Variants in ANKMY1 observed in about 807,000 individuals in gnomAD.
The protein encoded by ANKMY1 is ankyrin repeat and MYND domain containing 1.
A neutral mutation model predicts 102.0 loss-of-function variants in ANKMY1; 98 were observed. The ratio of observed to expected loss-of-function variants is 0.96; its 90% CI spans 0.82 to 1.14. The LOEUF is 1.14. Ranked by LOEUF, ANKMY1 falls within the 50% of genes most tolerant of loss-of-function variation. The pLI is 0.00. For missense variants in ANKMY1, 1,330 were observed against 1,347.6 expected (o/e 0.99, Z 0.20); for synonymous variants, 582 against 559.9 (o/e 1.04, Z -0.56).
In ANKMY1 at chr2:240,520,528, C is replaced by T. The variant is rs780456372; in HGVS notation, c.1838G>A (p.Arg613Lys). The T allele has an allele frequency of 1.8e-5, 29 of 1,611,256 alleles. No individual in the cohort carries two copies. The highest frequency in any genetic ancestry group is 1.2e-5 in the Non-Finnish European group (14 of 1,178,800). ...RRMALSMIER[R>K]KRWRTIKLLL... is the part of the protein sequence containing the mutation. ...CAGCTTGATGGTCCGCCAGCGCTTC[C>T]TCCGCCTGAAAAAGACGGTGCGCCC... The change falls in exon 9 of 18, where the codon AGG becomes AAG. Residue 613 changes from arginine to lysine, a missense_variant. Transcript: ENST00000401804. This position sits in a 1 kb window ranked among gnomAD's most constrained non-coding sequence, Gnocchi z 4.8.
intron 1 of ANKMY1, among the ~76,000 whole-genome samples, chr2:240,557,643 C>T (rs1186637272): frequency 6.6e-6 from 1 of 152,228 alleles, no homozygotes; most frequent in Non-Finnish European, 1.5e-5. Context: ...AGGCCAGGCC[C>T]GCACCCACTA....
At chr2:240,505,318 C>A (rs1223690046) in intron 13 of ANKMY1, among the ~76,000 whole-genome samples, 2 of 151,792 alleles carry the variant, frequency 1.3e-5, no homozygotes, top group African/African-American at 2.4e-5. Context: ...AAAAATCAGC[C>A]GGGTGTGGTG....
rs1166689369 is a variant in ANKMY1 at position 240,524,387 on chromosome 2, G to C, written c.1336-6C>G. 1 of 1,579,910 alleles carries C rather than the reference G, an allele frequency of 6.3e-7. No individual in the cohort carries two copies. The highest frequency in any genetic ancestry group is 2.2e-5 in the East Asian group (1 of 44,486). ...ACTGGGAATTTTGGAGGTTCCTTTG[G>C]AAAGAACCAAAAAAGTGTCATTAGA... On this transcript the variant is annotated splice_polypyrimidine_tract_variant and splice_region_variant and intron_variant, in intron 7 of 17. Transcript: ENST00000401804.
intron 1 of ANKMY1, 114 bp downstream of exon 1, chr2:240,557,759 AGCCCCTCG>A: frequency 1.3e-5 from 7 of 542,156 alleles, no homozygotes; most frequent in Non-Finnish European, 1.6e-5. Flanking sequence ...CCACGCCCCC[AGCCCCTCG>A]GCCCCTCCCT....
At chr2:240,519,372 A>G (rs2081734348) in intron 9 of ANKMY1, among the ~76,000 whole-genome samples, 1 of 152,248 alleles carries the variant, frequency 6.6e-6, no homozygotes, top group Non-Finnish European at 1.5e-5. Flanking sequence ...GGGATGAAAT[A>G]CAACAGATAA....
chr2:240,497,863 A>G (rs2077469064), intron 15 of ANKMY1, among the ~76,000 whole-genome samples: 1 of 152,206 alleles, frequency 6.6e-6, no homozygotes, highest in Admixed American at 6.5e-5. Flanking sequence ...ACTTCTCCGT[A>G]AGTGACACCT....
intron 15 of ANKMY1, among the ~76,000 whole-genome samples, chr2:240,492,112 C>G (rs1003897267): frequency 1.2e-4 from 18 of 152,096 alleles, no homozygotes; most frequent in African/African-American, 4.3e-4. Flanking sequence ...CTGGGCCCAG[C>G]CTCCCAAGCA....
At chr2:240,476,133 A>C (rs1487442417), downstream of ANKMY1, among the ~76,000 whole-genome samples, 3 of 152,278 alleles carry the variant, frequency 2.0e-5, no homozygotes, top group Non-Finnish European at 2.9e-5. Flanking sequence ...AAACAATATG[A>C]TACAGTCATA....
At chr2:240,491,598 T>A (rs1449747649) in intron 15 of ANKMY1, among the ~76,000 whole-genome samples, 1 of 152,208 alleles carries the variant, frequency 6.6e-6, no homozygotes, top group East Asian at 1.9e-4. Context: ...GTAGAACTGG[T>A]CTAGTAGTAA....
At chr2:240,512,247 G>A (rs748563200) in intron 10 of ANKMY1, among the ~76,000 whole-genome samples, 39 of 152,242 alleles carry the variant, frequency 2.6e-4, no homozygotes, top group Non-Finnish European at 4.8e-4. Flanking sequence ...CACGCAGTGG[G>A]TGAGCTGCGC....
At chr2:240,530,427 G>A (rs910827536) in intron 4 of ANKMY1, among the ~76,000 whole-genome samples, 2 of 152,084 alleles carry the variant, frequency 1.3e-5, no homozygotes, top group African/African-American at 2.4e-5. Context: ...GCATTCTCAC[G>A]AGATCTGCTT....
In ANKMY1 at chr2:240,553,048, C is replaced by T. The variant is rs746746341; in HGVS notation, c.346G>A (p.Gly116Arg). ...FSWPTGESYH[G>R]QFYRDHCHGL... ...TGGCAGTGGTCCCGGTAAAACTGCC[C>T]ATGGTATGACTGTGAGATGGAGAAG... Residue 116 changes from glycine (G) to arginine (R), a missense_variant, in exon 4 of 18, where the codon GGG (glycine) becomes AGG (arginine). Transcript: ENST00000401804. The T allele has an allele frequency of 2.1e-5, 34 of 1,613,498 alleles. No individual in the cohort carries two copies. Among genetic ancestry groups the T allele is most frequent in the Non-Finnish European group, 2.7e-5 (32 of 1,179,720 alleles).
chr2:240,529,036 C>T lies in ANKMY1; in HGVS notation c.953+1G>A. 6.2e-7 allele frequency: 1 copy of T among 1,613,634 alleles called. No homozygotes were observed. The highest frequency in any genetic ancestry group is 8.5e-7 in the Non-Finnish European group (1 of 1,179,630). On this transcript the variant is annotated splice_donor_variant, in intron 5 of 17. Coordinates refer to ENST00000401804, the MANE Select transcript of ANKMY1 (RefSeq NM_001282771.3). LOFTEE classifies it high-confidence loss of function. The surrounding 1 kb of genome is among the most constrained non-coding windows in gnomAD (Gnocchi z 4.2). ...GGGAGGAGCAGTAGCAGACTAGTCACCTGAACTTGTAAGTTTGCTTCTGGA... is the reference window on the plus strand; with the variant it reads ...GGGAGGAGCAGTAGCAGACTAGTCATCTGAACTTGTAAGTTTGCTTCTGGA...
At position 240,506,799 on chromosome 2, in the gene ANKMY1, C is replaced by T. The variant is rs1463531411; in HGVS notation, c.2526+761G>A. 6.6e-6 allele frequency among the ~76,000 whole-genome samples: 1 copy of T among 152,170 alleles called. No homozygotes were observed. The highest frequency in any genetic ancestry group is 1.5e-5 in the Non-Finnish European group (1 of 68,032). Reference sequence around the variant, plus strand: ...GGGCGGAGGGCAGCAGGCAGCAGGGCACAGAGGGAGGCCCTGCCTGAGCCA... The same window carrying T: ...GGGCGGAGGGCAGCAGGCAGCAGGGTACAGAGGGAGGCCCTGCCTGAGCCA... On this transcript the variant is annotated intron_variant, in intron 13 of 17. Coordinates refer to ENST00000401804, the MANE Select transcript of ANKMY1 (RefSeq NM_001282771.3). This position sits in a 1 kb window ranked among gnomAD's most constrained non-coding sequence, Gnocchi z 4.9.
chr2:240,492,232 A>G (rs1320661226), intron 15 of ANKMY1, among the ~76,000 whole-genome samples: 1 of 152,112 alleles, frequency 6.6e-6, no homozygotes, highest in African/African-American at 2.4e-5. Flanking sequence ...GCCTCAAGCA[A>G]TCTTCCCACT....
intron 15 of ANKMY1, among the ~76,000 whole-genome samples, chr2:240,496,841 T>C (rs2077330891): frequency 6.6e-6 from 1 of 152,214 alleles, no homozygotes; most frequent in Admixed American, 6.5e-5. Flanking sequence ...TCAGAGCTCA[T>C]TGAAGGGATA....
chr2:240,502,867 C>T (rs985947820), intron 13 of ANKMY1, among the ~76,000 whole-genome samples: 1 of 151,930 alleles, frequency 6.6e-6, no homozygotes. Flanking sequence ...TCATTGCCTC[C>T]GCCCTACACC....
rs568000482 is a variant in ANKMY1 at position 240,495,040 on chromosome 2, T to C, written c.2806+4918A>G. Among the ~76,000 whole-genome samples the C allele has an allele frequency of 1.9e-3, 285 of 152,216 alleles. 1 individual carries two copies. The highest frequency in any genetic ancestry group is 3.5e-3 in the Non-Finnish European group (237 of 67,994). On this transcript the variant is annotated intron_variant, in intron 15 of 17. Coordinates refer to ENST00000401804, the MANE Select transcript of ANKMY1 (RefSeq NM_001282771.3). ...TCATAACCTAGAAAAAACGAGGCCA[T>C]ACAGAGATAGGAGCTGAGGGGACAT...
intron 14 of ANKMY1, 91 bp downstream of exon 14, chr2:240,500,361 A>C (rs1574973666): frequency 1.5e-6 from 2 of 1,377,284 alleles, no homozygotes; most frequent in Non-Finnish European, 2.0e-6. Context: ...CCTTGAGCCC[A>C]GCTTTGCCCC....
Sources: gnomAD v4.1 joint callset for allele counts (sites outside exome capture counted in the v4.1 genomes callset) on GRCh38, gnomAD v4.1.1 for gene constraint, Gnocchi (gnomAD v3.1) non-coding constraint, MANE v1.5 for transcripts, NCBI Gene and HGNC (gene_info 2026-07-23, HGNC 2026-07-21) for gene names.